The following GNB5 variants were observed in gnomAD, a reference collection of about 807,000 sequenced individuals.
GNB5 encodes the protein guanine nucleotide-binding protein subunit beta-5.
A neutral mutation model predicts 55.3 loss-of-function variants in GNB5; 37 were observed. That is an observed-to-expected ratio of 0.67 (90% CI 0.51 to 0.88). GNB5 has a LOEUF of 0.88. Ranked by LOEUF, GNB5 falls within the 40% of genes least tolerant of loss-of-function variation. GNB5 has a pLI of 0.00. For missense variants in GNB5, 476 were observed against 515.3 expected (o/e 0.92, Z 0.74); for synonymous variants, 219 against 198.5 (o/e 1.10, Z -0.87).
intron 3 of GNB5, among the ~76,000 whole-genome samples, chr15:52,172,417 C>T (rs1026028911): frequency 6.6e-6 from 1 of 152,038 alleles, no homozygotes; most frequent in African/African-American, 2.4e-5. Flanking sequence ...AAGTGAGCCA[C>T]CATGCCCGGC....
intron 3 of GNB5, among the ~76,000 whole-genome samples, chr15:52,157,938 G>A (rs767622806): frequency 4.0e-5 from 6 of 151,308 alleles, no homozygotes; most frequent in Non-Finnish European, 7.4e-5. Flanking sequence ...ATATGTGCTG[G>A]GTATTATTTG....
chr15:52,124,628 A>AT lies in GNB5; in HGVS notation c.1020_1021insA (p.Phe341IlefsTer6). The stretch of plus-strand genomic sequence containing the variant: ...ATAGTGTAATCATTGTATCCAGCAA[A>AT]CAGCAGGCGACCTTGAAGCAGGGTG... On this transcript the variant is annotated frameshift_variant, in exon 12 of 13. Transcript: ENST00000261837. LOFTEE classifies it high-confidence loss of function. 1 of 1,613,672 alleles carries AT rather than the reference A, an allele frequency of 6.2e-7. No homozygotes were observed. Among genetic ancestry groups the AT allele is most frequent in the African/African-American group, 1.3e-5 (1 of 75,030 alleles).
At chr15:52,186,341 C>T (rs2034846417) in intron 1 of GNB5, among the ~76,000 whole-genome samples, 1 of 152,194 alleles carries the variant, frequency 6.6e-6, no homozygotes, top group African/African-American at 2.4e-5. Context: ...CTGGGCCTTC[C>T]AGGAATCTGT....
chr15:52,127,444 G>T (rs1489020767), intron 10 of GNB5, among the ~76,000 whole-genome samples: 2 of 151,958 alleles, frequency 1.3e-5, no homozygotes, highest in Non-Finnish European at 2.9e-5. Flanking sequence ...GGTCTGTACT[G>T]TATGTGGCAA....
In GNB5 at chr15:52,147,441, G is replaced by A; in HGVS notation, c.494+18C>T. The A allele has an allele frequency of 1.4e-6, 2 of 1,446,850 alleles. No individual in the cohort carries two copies. Among genetic ancestry groups the A allele is most frequent in the Non-Finnish European group, 1.9e-6 (2 of 1,027,222 alleles). 89.6% of individuals were successfully genotyped at this position (1,446,850 alleles called of 1,614,324 possible). A position where few individuals can be genotyped will look rare whatever the true frequency, so the allele number is the denominator to read the frequency against. On this transcript the variant is annotated intron_variant, in intron 6 of 12. Transcript: ENST00000261837. ...TGGTTAACACAAATTCTGAAAAGCT[G>A]CTGTAGCTCCAACTTACCCACAAGC...
chr15:52,169,456 T>A (rs117979578), intron 3 of GNB5, among the ~76,000 whole-genome samples: 1 of 139,306 alleles, frequency 7.2e-6, no homozygotes, highest in Admixed American at 8.2e-5. Context: ...GAGAAGAGCC[T>A]GAACCCAGGA....
In GNB5 at chr15:52,128,233, C is replaced by T; in HGVS notation, c.875G>A (p.Ser292Asn). 1 of 1,609,112 alleles carries T rather than the reference C, an allele frequency of 6.2e-7. No individual in the cohort carries two copies. Among genetic ancestry groups the T allele is most frequent in the Non-Finnish European group, 8.5e-7 (1 of 1,175,418 alleles). The change falls in exon 10 of 13, where the codon AGT becomes AAT. Residue 292 changes from serine to asparagine, a missense_variant. Coordinates refer to ENST00000261837, the MANE Select transcript of GNB5 (RefSeq NM_016194.4). ...SDINSVRYYPSGDAFASGSDD... is the reference protein window; with the variant it reads ...SDINSVRYYPNGDAFASGSDD... ...TGACCCTGAAGCAAAGGCATCTCCA[C>T]TGGGGTAGTACCTGCAGAGAGAAAG...
chr15:52,135,719 C>A lies in GNB5; in HGVS notation c.665G>T (p.Trp222Leu). ...TASGDGTCAL[W>L]DVESGQLLQS... ...CAGCAGCTGCCCGCTCTCCACGTCCCACAGGGCACATGTGCCATCGCCGCT... is the reference window on the plus strand; with the variant it reads ...CAGCAGCTGCCCGCTCTCCACGTCCAACAGGGCACATGTGCCATCGCCGCT... The change falls in exon 8 of 13, where the codon TGG (tryptophan) becomes TTG (leucine). Residue 222 changes from tryptophan (W) to leucine (L), a missense_variant. Coordinates refer to ENST00000261837, the MANE Select transcript of GNB5 (RefSeq NM_016194.4). 6.2e-7 allele frequency: 1 copy of A among 1,612,954 alleles called. No individual in the cohort carries two copies. The highest frequency in any genetic ancestry group is 8.5e-7 in the Non-Finnish European group (1 of 1,179,804).
Position 52,170,679 on chromosome 15 carries a change from C to T in GNB5, c.238+9089G>A, listed in dbSNP as rs575384312. ...TTACCTATGTAACAAAACTGCACAT[C>T]CTGCACATGTACCCTGGAACTTAAA... On this transcript the variant is annotated intron_variant, in intron 3 of 12. Coordinates refer to ENST00000261837, the MANE Select transcript of GNB5 (RefSeq NM_016194.4). Among the ~76,000 whole-genome samples, 15 of 151,740 alleles carry T rather than the reference C, an allele frequency of 9.9e-5. No homozygotes were observed. The East Asian group carries it at 2.7e-3, about 27-fold the overall frequency.
At chr15:52,134,304 G>T (rs1241613461) in intron 8 of GNB5, among the ~76,000 whole-genome samples, 1 of 152,174 alleles carries the variant, frequency 6.6e-6, no homozygotes, top group Admixed American at 6.5e-5. Context: ...CAGCTAAAAA[G>T]TAACAGCTTA....
intron 9 of GNB5, chr15:52,128,616 T>C (rs1011094962): frequency 1.4e-5 from 7 of 509,422 alleles, no homozygotes; most frequent in Admixed American, 2.3e-5. Flanking sequence ...CAAAGCCACA[T>C]TGGATGTCTG....
intron 11 of GNB5, 120 bp from the exon 12 acceptor site, chr15:52,124,759 G>A (rs2033377769): frequency 1.2e-6 from 1 of 812,356 alleles, no homozygotes; most frequent in Admixed American, 2.3e-5. Flanking sequence ...CCTAGGCACT[G>A]TGCTTTGCCT....
chr15:52,126,689 G>A (rs1252360835), intron 10 of GNB5, among the ~76,000 whole-genome samples: 1 of 152,046 alleles, frequency 6.6e-6, no homozygotes, highest in African/African-American at 2.4e-5. Context: ...ATCTTTACAT[G>A]TGTTTCTGGT....
intron 8 of GNB5, 71 bp downstream of exon 8, chr15:52,135,542 G>C (rs1181936659): frequency 7.4e-7 from 1 of 1,346,786 alleles, no homozygotes; most frequent in South Asian, 1.2e-5. Flanking sequence ...TCCCATGAAT[G>C]GACAAGAACT....
At position 52,117,102 on chromosome 15, in the gene GNB5, A is replaced by ATATATATATATATATTT; in HGVS notation, c.*5654_*5655insAAATATATATATATATA. On this transcript the variant is annotated 3_prime_UTR_variant, in exon 13 of 13. Transcript: ENST00000261837. The stretch of plus-strand genomic sequence containing the variant: ...CCACGCCCAGCTAATATATATATAT[A>ATATATATATATATATTT]TTTTTTTTTAGTACAGACAGGGTTT... 1 of 87,100 alleles carries ATATATATATATATATTT rather than the reference A, an allele frequency of 1.1e-5. No homozygotes were observed. The highest frequency in any genetic ancestry group is 2.2e-5 in the Non-Finnish European group (1 of 46,202). The allele number at this position is 87,100 out of a possible 1,614,324, so 5.4% of individuals were successfully genotyped here. A position where few individuals can be genotyped will look rare whatever the true frequency, so the allele number is the denominator to read the frequency against.
At chr15:52,157,472 C>A (rs1033780271) in intron 3 of GNB5, among the ~76,000 whole-genome samples, 1 of 152,076 alleles carries the variant, frequency 6.6e-6, no homozygotes, top group Admixed American at 6.6e-5. Context: ...TCTCGATCAT[C>A]TGACCTCGTG....
rs1030201595 is a variant in GNB5, at chr15:52,121,556, TATCA to T, written c.*1197_*1200del. The stretch of plus-strand genomic sequence containing the variant: ...AGGAGCAGACGTTATTATTCATGAC[TATCA>T]ATCAATCTGCATATGTAATTATAAT... On this transcript the variant is annotated 3_prime_UTR_variant, in exon 13 of 13. Coordinates refer to ENST00000261837, the MANE Select transcript of GNB5 (RefSeq NM_016194.4). 3.7e-4 allele frequency: 56 copies of T among 152,244 alleles called. No homozygotes were observed. Among genetic ancestry groups the T allele is most frequent in the African/African-American group, 1.1e-3 (47 of 41,548 alleles). The allele number at this position is 152,244 out of a possible 1,614,324, so 9.4% of individuals were successfully genotyped here. A position where few individuals can be genotyped will look rare whatever the true frequency, so the allele number is the denominator to read the frequency against.
At chr15:52,161,093 C>G (rs891810576) in intron 3 of GNB5, among the ~76,000 whole-genome samples, 1 of 152,178 alleles carries the variant, frequency 6.6e-6, no homozygotes, top group Non-Finnish European at 1.5e-5. Context: ...AAGGCTTTAT[C>G]TCCATTTCTA....
chr15:52,150,532 C>T lies in GNB5; in HGVS notation c.376-607G>A, dbSNP rs185042299. 3.2e-3 allele frequency among the ~76,000 whole-genome samples: 486 copies of T among 152,308 alleles called. 1 individual carries two copies. The highest frequency in any genetic ancestry group is 0.011 in the African/African-American group (474 of 41,570). On this transcript the variant is annotated intron_variant, in intron 4 of 12. Transcript: ENST00000261837. ...ACAGATGTCACAGCTCCAGCTCTGACATTTCACACCTACACTGAGAACAAC... is the reference window on the plus strand; with the variant it reads ...ACAGATGTCACAGCTCCAGCTCTGATATTTCACACCTACACTGAGAACAAC...
Sources: gnomAD v4.1 joint callset for allele counts (sites outside exome capture counted in the v4.1 genomes callset) on GRCh38, gnomAD v4.1.1 for gene constraint, MANE v1.5 for transcripts, NCBI Gene and HGNC (gene_info 2026-07-23, HGNC 2026-07-21) for gene names.